The following MORN4 variants were observed in gnomAD, a reference collection of about 807,000 sequenced individuals.
The protein encoded by MORN4 is MORN repeat containing 4, also known as MORN repeat-containing protein 4.
Under a neutral mutation model 16.4 loss-of-function variants are expected in MORN4, and 8 were observed. The ratio of observed to expected loss-of-function variants is 0.49; its 90% CI spans 0.29 to 0.88. The LOEUF (loss-of-function observed/expected upper bound fraction) is 0.88, where lower values mean the gene tolerates loss of function less well. Ranked by LOEUF, MORN4 falls within the 40% of genes least tolerant of loss-of-function variation. The pLI, the probability that MORN4 is intolerant of heterozygous loss-of-function variation, is 0.09. For missense variants in MORN4, 159 were observed against 182.9 expected, an observed-to-expected ratio of 0.87 and a Z score of 0.75; for synonymous variants, 53 against 68.9, an observed-to-expected ratio of 0.77 and a Z score of 1.14.
intron 1 of MORN4, among the ~76,000 whole-genome samples, chr10:97,630,414 C>T (rs1446168027): frequency 1.3e-5 from 2 of 152,162 alleles, no homozygotes; most frequent in South Asian, 2.1e-4. Context: ...CTTTGTTATA[C>T]AGCAATAATA....
intron 1 of MORN4, among the ~76,000 whole-genome samples, chr10:97,625,354 C>T (rs2041337536): frequency 6.6e-6 from 1 of 152,132 alleles, no homozygotes. Flanking sequence ...ATCTCAGTCT[C>T]CTCATCTGTA....
chr10:97,620,698 C>A (rs1023754406), intron 1 of MORN4, among the ~76,000 whole-genome samples: 4 of 151,820 alleles, frequency 2.6e-5, no homozygotes, highest in African/African-American at 9.7e-5. Context: ...TGAAGAGAGG[C>A]CTGGTGCAGT....
At chr10:97,621,749 C>A (rs897938638) in intron 1 of MORN4, among the ~76,000 whole-genome samples, 2 of 151,392 alleles carry the variant, frequency 1.3e-5, no homozygotes, top group Non-Finnish European at 3.0e-5. Context: ...CCTGTAATCC[C>A]AGCTACTCGG....
chr10:97,618,400 G>A (rs544825748), intron 2 of MORN4, among the ~76,000 whole-genome samples: 273 of 151,666 alleles, frequency 1.8e-3, no homozygotes, highest in Non-Finnish European at 9.9e-4. Context: ...CAGTAGCTGG[G>A]ATTACAAAGT....
Position 97,616,392 on chromosome 10 carries a change from A to T in MORN4, c.312T>A (p.Asp104Glu). ...CATTGCGGGGGATTCCATGAGAACC[A>T]TCAGGGAAAGTCAGCAGGCCTTTGA... is the stretch of plus-strand genomic sequence containing the variant. ...VDGFGLLTFP[D>E]GSHGIPRNEG... The change falls in exon 5 of 5, where the codon GAT becomes GAA. Residue 104 changes from aspartate (D) to glutamate (E), a missense_variant. Coordinates refer to ENST00000307450, the MANE Select transcript of MORN4 (RefSeq NM_178832.4). The T allele has an allele frequency of 6.2e-7, 1 of 1,607,140 alleles. No individual in the cohort carries two copies. The highest frequency in any genetic ancestry group is 2.2e-5 in the East Asian group (1 of 44,798).
At position 97,615,926 on chromosome 10, in the gene MORN4, G is replaced by GA; in HGVS notation, c.*336dup. ...AACGAAGGTTCTGTATCACTTGGCA[G>GA]AAAATGAAGCAGAAGGGTCACAGCA... On this transcript the variant is annotated 3_prime_UTR_variant, in exon 5 of 5. Coordinates refer to ENST00000307450, the MANE Select transcript of MORN4 (RefSeq NM_178832.4). 1 of 176,888 alleles carries GA rather than the reference G, an allele frequency of 5.7e-6. No individual in the cohort carries two copies. The highest frequency in any genetic ancestry group is 6.2e-5 in the Admixed American group (1 of 16,172). The allele number at this position is 176,888 out of a possible 1,614,324, so 11.0% of individuals were successfully genotyped here.
At chr10:97,623,149 T>C (rs2135738635) in intron 1 of MORN4, among the ~76,000 whole-genome samples, 1 of 152,300 alleles carries the variant, frequency 6.6e-6, no homozygotes, top group African/African-American at 2.4e-5. Flanking sequence ...TGAATCAGAT[T>C]CTGTAGTCAG....
At chr10:97,618,258 CT>C (rs1192502394) in intron 2 of MORN4, among the ~76,000 whole-genome samples, 1,730 of 92,790 alleles carry the variant, frequency 0.019, 10 homozygotes, top group African/African-American at 0.066. Flanking sequence ...AGCCTCTCTT[CT>C]TTTTTTTTTT....
At chr10:97,633,815 G>A (rs1284898262), upstream of MORN4, among the ~76,000 whole-genome samples, 2 of 152,210 alleles carry the variant, frequency 1.3e-5, no homozygotes, top group African/African-American at 4.8e-5. The surrounding 1 kb of genome is among the most constrained non-coding windows in gnomAD (Gnocchi z 4.5). Flanking sequence ...CAAGGGCCCC[G>A]CCGCGGAGTT....
At chr10:97,616,808 T>C (rs2041240483) in intron 3 of MORN4, 21 bp from the exon 4 acceptor site, 1 of 1,545,208 alleles carries the variant, frequency 6.5e-7, no homozygotes, top group Non-Finnish European at 8.9e-7. Context: ...ACCAAGAAGT[T>C]AGCCTTCAGT....
At chr10:97,628,876 C>A (rs2041371426) in intron 1 of MORN4, among the ~76,000 whole-genome samples, 1 of 152,112 alleles carries the variant, frequency 6.6e-6, no homozygotes, top group Admixed American at 6.6e-5. Flanking sequence ...GGGATTATAC[C>A]CTAAATATTT....
chr10:97,626,754 ATT>A (rs536665432), intron 1 of MORN4, among the ~76,000 whole-genome samples: 20,274 of 110,646 alleles, frequency 0.18, 1,671 homozygotes, highest in Non-Finnish European at 0.23. Flanking sequence ...CTGTGCCCAG[ATT>A]TTTTTTTTTT....
upstream of MORN4, chr10:97,633,638 G>C: frequency 7.8e-7 from 1 of 1,282,994 alleles, no homozygotes; most frequent in Middle Eastern, 2.2e-4. The surrounding 1 kb of genome is among the most constrained non-coding windows in gnomAD (Gnocchi z 4.5). Flanking sequence ...TGTGAAAGAG[G>C]GGTGGTCCCA....
chr10:97,627,402 C>G (rs911027386), intron 1 of MORN4, among the ~76,000 whole-genome samples: 1 of 152,186 alleles, frequency 6.6e-6, no homozygotes, highest in Non-Finnish European at 1.5e-5. Context: ...CCTCGGCCTC[C>G]CAAAGTGCTA....
upstream of MORN4, among the ~76,000 whole-genome samples, chr10:97,634,002 T>G (rs1461786821): frequency 6.6e-6 from 1 of 152,202 alleles, no homozygotes; most frequent in Non-Finnish European, 1.5e-5. Context: ...TAAAATATAG[T>G]ACCTGGCCAG....
chr10:97,623,890 G>A (rs10786359), intron 1 of MORN4, among the ~76,000 whole-genome samples: 3 of 151,638 alleles, frequency 2.0e-5, no homozygotes, highest in East Asian at 1.9e-4. Context: ...TGCCCACCAC[G>A]ACGCCCCACT....
intron 1 of MORN4, among the ~76,000 whole-genome samples, chr10:97,622,832 G>T (rs1013271074): frequency 1.7e-4 from 25 of 150,174 alleles, no homozygotes; most frequent in Non-Finnish European, 1.5e-5. Flanking sequence ...AATTCCCTAG[G>T]TCTCTTCATT....
At chr10:97,626,917 C>T (rs1206621911) in intron 1 of MORN4, among the ~76,000 whole-genome samples, 1 of 150,576 alleles carries the variant, frequency 6.6e-6, no homozygotes, top group African/African-American at 2.4e-5. Context: ...GCCACCACGC[C>T]CAGCTAATTT....
At chr10:97,626,775 T>C (rs1393135791) in intron 1 of MORN4, among the ~76,000 whole-genome samples, 2 of 124,328 alleles carry the variant, frequency 1.6e-5, no homozygotes, top group Non-Finnish European at 3.3e-5. Context: ...TTTTTTTTTT[T>C]AGACAGAGTT....
Sources: allele counts gnomAD v4.1 joint callset (sites outside exome capture counted in the v4.1 genomes callset), GRCh38; gene constraint gnomAD v4.1.1; non-coding constraint Gnocchi (gnomAD v3.1); transcripts MANE v1.5; gene names NCBI Gene and HGNC (gene_info 2026-07-23, HGNC 2026-07-21).